PODN: variants seen among roughly 807,000 people sequenced by gnomAD.
The protein encoded by PODN is podocan proteoglycan.
In PODN, 40 loss-of-function variants were observed where a neutral mutation model predicts 52.7. That is an observed-to-expected ratio of 0.76 (90% CI 0.59 to 0.99). The LOEUF is 0.99. Ranked by LOEUF, PODN falls within the 50% of genes least tolerant of loss-of-function variation. PODN has a pLI of 0.00. For synonymous variants in PODN, 396 were observed against 377.9 expected (o/e 1.05, Z -0.56); for missense variants, 720 against 815.1 (o/e 0.88, Z 1.42).
chr1:53,063,365 G>T (rs1643987507), intron 1 of PODN: 2 of 985,760 alleles, frequency 2.0e-6, no homozygotes, highest in East Asian at 1.1e-4. Flanking sequence ...TTACCGGCTG[G>T]CCAGGGAAGG....
At chr1:53,066,727 G>T in intron 1 of PODN, 2 of 1,322,288 alleles carry the variant, frequency 1.5e-6, no homozygotes, top group Non-Finnish European at 1.0e-6. Flanking sequence ...ATTGGGCTCA[G>T]CTCCCTGAGT....
intron 1 of PODN, 43 bp downstream of exon 1, chr1:53,062,351 C>T (rs1643969869): frequency 2.5e-6 from 3 of 1,218,156 alleles, no homozygotes; most frequent in Non-Finnish European, 3.1e-6. Flanking sequence ...GGGCCGGGGG[C>T]TGAGCCCGGG....
intron 8 of PODN, 141 bp downstream of exon 8, chr1:53,079,163 C>T: frequency 8.5e-7 from 1 of 1,176,764 alleles, no homozygotes. Context: ...TGAGCTCATT[C>T]ACCTTCAGGT....
intron 3 of PODN, 137 bp from the exon 4 acceptor site, chr1:53,074,469 A>G (rs1366190753): frequency 2.7e-5 from 25 of 931,542 alleles, no homozygotes; most frequent in Admixed American, 2.5e-4. Flanking sequence ...AGGCCCCCCA[A>G]CTGCTTGGGA....
chr1:53,082,592 T>C (rs750800043), intron 10 of PODN, among the ~76,000 whole-genome samples: 8 of 151,870 alleles, frequency 5.3e-5, no homozygotes, highest in Non-Finnish European at 1.2e-4. Context: ...GACAGAGCAG[T>C]TAGGAAAGGA....
chr1:53,081,408 T>C (rs527599844), intron 9 of PODN, among the ~76,000 whole-genome samples: 1 of 152,274 alleles, frequency 6.6e-6, no homozygotes, highest in African/African-American at 2.4e-5. Flanking sequence ...CAGAGATGAG[T>C]GTGCTCCCAG....
At chr1:53,071,328 C>T (rs1025013466) in intron 2 of PODN, 9 of 557,842 alleles carry the variant, frequency 1.6e-5, no homozygotes, top group Non-Finnish European at 6.4e-6. Flanking sequence ...ACCCACACTC[C>T]TGTTGTGATC....
At chr1:53,068,399 T>A (rs1644063240) in intron 1 of PODN, among the ~76,000 whole-genome samples, 1 of 152,162 alleles carries the variant, frequency 6.6e-6, no homozygotes. Flanking sequence ...TTGTGGCCAC[T>A]CAGCTCAGGA....
chr1:53,063,253 A>G (rs1643984913), intron 1 of PODN: 1 of 636,104 alleles, frequency 1.6e-6, no homozygotes, highest in Non-Finnish European at 2.0e-6. Context: ...AGGGGCGAGC[A>G]CCCCGGCCCC....
chr1:53,076,004 G>A, intron 5 of PODN, 33 bp downstream of exon 5: 3 of 1,512,210 alleles, frequency 2.0e-6, no homozygotes, highest in African/African-American at 1.4e-5. Flanking sequence ...GGCTCGGGCT[G>A]GGGCAAGGGG....
intron 8 of PODN, among the ~76,000 whole-genome samples, chr1:53,080,300 G>T (rs1426501886): frequency 6.6e-6 from 1 of 152,244 alleles, no homozygotes; most frequent in Non-Finnish European, 1.5e-5. Flanking sequence ...TCCAGGGCCA[G>T]TGGGGTGAGA....
chr1:53,078,434 G>A lies in PODN; in HGVS notation c.924G>A (p.Pro308=), dbSNP rs199897425. The A allele has an allele frequency of 2.5e-5, 40 of 1,613,274 alleles. No homozygotes were observed. Among genetic ancestry groups the A allele is most frequent in the East Asian group, 2.2e-4 (10 of 44,886 alleles). Residue 308 remains proline (P), a synonymous_variant, in exon 8 of 11, where the codon CCG becomes CCA. Coordinates refer to ENST00000312553, the MANE Select transcript of PODN (RefSeq NM_153703.5). ...NNLSRVPAGL[P]RSLVLLHLEK... ...TGTCTCGGGTCCCAGCTGGGCTGCCGCGCAGCCTGGTGCTGCTGCACTTGG... is the reference window on the plus strand; with the variant it reads ...TGTCTCGGGTCCCAGCTGGGCTGCCACGCAGCCTGGTGCTGCTGCACTTGG...
intron 3 of PODN, among the ~76,000 whole-genome samples, chr1:53,074,239 G>A (rs996187113): frequency 6.6e-5 from 10 of 152,226 alleles, no homozygotes; most frequent in South Asian, 4.1e-4. Context: ...TTCCTGGCCC[G>A]GCCCCCCTGC....
At chr1:53,062,669 G>A (rs1415059573) in intron 1 of PODN, among the ~76,000 whole-genome samples, 1 of 152,184 alleles carries the variant, frequency 6.6e-6, no homozygotes, top group Non-Finnish European at 1.5e-5. Context: ...AGGTGGAACT[G>A]CGTAGGGGCG....
intron 8 of PODN, among the ~76,000 whole-genome samples, chr1:53,080,183 G>T (rs1293021029): frequency 1.3e-5 from 2 of 152,178 alleles, no homozygotes; most frequent in Non-Finnish European, 2.9e-5. Flanking sequence ...CCTGGCTGTT[G>T]TGCTGGGGTC....
chr1:53,078,045 C>T (rs1039226600), intron 7 of PODN, among the ~76,000 whole-genome samples: 3 of 152,136 alleles, frequency 2.0e-5, no homozygotes, highest in Admixed American at 6.5e-5. Context: ...CTTCTTGGTG[C>T]GAAATACAGA....
At chr1:53,064,551 G>A (rs1644005620) in intron 1 of PODN, among the ~76,000 whole-genome samples, 1 of 152,236 alleles carries the variant, frequency 6.6e-6, no homozygotes, top group African/African-American at 2.4e-5. Context: ...AGGTAGTGCT[G>A]AGGGCTGAGG....
intron 8 of PODN, among the ~76,000 whole-genome samples, chr1:53,080,180 G>A (rs948434211): frequency 6.6e-6 from 1 of 152,194 alleles, no homozygotes; most frequent in South Asian, 2.1e-4. Flanking sequence ...GGGCCTGGCT[G>A]TTGTGCTGGG....
chr1:53,075,304 C>T lies in PODN; in HGVS notation c.472-558C>T, dbSNP rs566192019. On this transcript the variant is annotated intron_variant, in intron 4 of 10. Coordinates refer to ENST00000312553, the MANE Select transcript of PODN (RefSeq NM_153703.5). ...AAGCTACAGCTTCCCGCCCACAGCA[C>T]CCAGACCCAGTCCTCCTCTGTCATC... 4.6e-5 allele frequency among the ~76,000 whole-genome samples: 7 copies of T among 152,332 alleles called. No homozygotes were observed. The South Asian group carries it at 1.2e-3, about 27-fold the overall frequency.
Sources: allele counts gnomAD v4.1 joint callset (sites outside exome capture counted in the v4.1 genomes callset), GRCh38; gene constraint gnomAD v4.1.1; transcripts MANE v1.5; gene names NCBI Gene and HGNC (gene_info 2026-07-23, HGNC 2026-07-21).